Variants in SPG11 observed in about 807,000 individuals in gnomAD.
SPG11 encodes spatacsin.
A neutral mutation model predicts 274.0 loss-of-function variants in SPG11; 222 were observed. That is an observed-to-expected ratio of 0.81 (90% confidence interval 0.73 to 0.91). The LOEUF (loss-of-function observed/expected upper bound fraction) is 0.91, where lower values mean the gene tolerates loss of function less well. SPG11 is among the 40% of genes least tolerant of loss of function. The probability of loss-of-function intolerance (pLI) is 0.00; values close to 1 mark genes in which losing one functional copy is unlikely to be tolerated. For missense variants in SPG11, 3,114 were observed against 2,872.7 expected, an observed-to-expected ratio of 1.08 and a Z score of -1.92; for synonymous variants, 1,144 against 1,039.7, an observed-to-expected ratio of 1.10 and a Z score of -1.93.
chr15:44,605,330 G>A (rs1032160395), intron 20 of SPG11, among the ~76,000 whole-genome samples: 1 of 152,018 alleles, frequency 6.6e-6, no homozygotes, highest in Non-Finnish European at 1.5e-5. Flanking sequence ...ATCAAAATTC[G>A]AACTTATAAA....
intron 7 of SPG11, among the ~76,000 whole-genome samples, chr15:44,645,290 A>C (rs530099614): frequency 1.8e-4 from 27 of 152,308 alleles, no homozygotes; most frequent in African/African-American, 5.8e-4. Context: ...AATAGAACAG[A>C]ACAGAGAGCC....
intron 1 of SPG11, among the ~76,000 whole-genome samples, chr15:44,661,450 T>C (rs1262381672): frequency 6.6e-6 from 1 of 152,190 alleles, no homozygotes; most frequent in East Asian, 1.9e-4. Flanking sequence ...ACAGAAGTAG[T>C]GTTTTATACT....
chr15:44,582,271 G>C (rs952512897), intron 30 of SPG11, among the ~76,000 whole-genome samples: 1 of 152,152 alleles, frequency 6.6e-6, no homozygotes, highest in Non-Finnish European at 1.5e-5. Flanking sequence ...AAAAAGGCCG[G>C]GCACGGTGGC....
intron 27 of SPG11, among the ~76,000 whole-genome samples, chr15:44,591,976 T>C (rs1365200606): frequency 6.6e-6 from 1 of 151,880 alleles, no homozygotes; most frequent in Non-Finnish European, 1.5e-5. Flanking sequence ...CTGGGTGTGG[T>C]GGTGGGCACC....
chr15:44,572,587 C>A, intron 33 of SPG11, 96 bp downstream of exon 33: 1 of 1,294,126 alleles, frequency 7.7e-7, no homozygotes, highest in Admixed American at 1.7e-5. Context: ...GCATCCAGAG[C>A]AGGAACAGGG....
rs778864726 is a variant in SPG11 at position 44,563,178 on chromosome 15, A to C, written c.7275T>G (p.Asn2425Lys). The C allele has an allele frequency of 1.2e-6, 2 of 1,614,110 alleles. No homozygotes were observed. The highest frequency in any genetic ancestry group is 1.7e-6 in the Non-Finnish European group (2 of 1,180,044). ...CTGTCTGAGGGTCCTTCAGAAGCAC[A>C]TTTACAATTTCATAAAACTTGTGTT... Reference protein sequence around the residue: ...AYEHKFYEIVNVLLKDPQTGC... With the variant: ...AYEHKFYEIVKVLLKDPQTGC... The change falls in exon 40 of 40, where the codon AAT becomes AAG. Residue 2425 changes from asparagine to lysine, a missense_variant. Coordinates refer to ENST00000261866, the MANE Select transcript of SPG11 (RefSeq NM_025137.4).
chr15:44,649,026 A>G lies in SPG11; in HGVS notation c.1457-15T>C. 1 of 1,606,862 alleles carries G rather than the reference A, an allele frequency of 6.2e-7. No individual in the cohort carries two copies. The highest frequency in any genetic ancestry group is 8.5e-7 in the Non-Finnish European group (1 of 1,173,604). Reference sequence around the variant, plus strand: ...GAGTCCATTCTCTATAGGAAAAATAAAAGTTAGCTTTAACAAATTAGATTA... The same window carrying G: ...GAGTCCATTCTCTATAGGAAAAATAGAAGTTAGCTTTAACAAATTAGATTA... On this transcript the variant is annotated splice_polypyrimidine_tract_variant and intron_variant, in intron 6 of 39. Transcript: ENST00000261866.
chr15:44,564,088 G>A (rs2082258144), intron 39 of SPG11, among the ~76,000 whole-genome samples: 1 of 151,990 alleles, frequency 6.6e-6, no homozygotes. Flanking sequence ...CTGTCCCCAG[G>A]TTCAAGTGAT....
chr15:44,638,990 T>A (rs1266667293), intron 7 of SPG11, among the ~76,000 whole-genome samples: 1 of 149,574 alleles, frequency 6.7e-6, no homozygotes, highest in Non-Finnish European at 1.5e-5. Context: ...AGTGAGACTG[T>A]CTCCAAAAAA....
chr15:44,575,493 CTTTT>C (rs35699941), intron 30 of SPG11, among the ~76,000 whole-genome samples: 3 of 138,452 alleles, frequency 2.2e-5, no homozygotes, highest in Admixed American at 7.4e-5. Context: ...CTCCAACATA[CTTTT>C]TTTTTTTTTT....
intron 7 of SPG11, among the ~76,000 whole-genome samples, chr15:44,639,207 T>C (rs935934680): frequency 1.3e-5 from 2 of 151,148 alleles, no homozygotes; most frequent in African/African-American, 4.9e-5. Context: ...TAAAACCTCA[T>C]AGCAGGGAAC....
At chr15:44,571,678 T>C (rs1303943320) in intron 33 of SPG11, among the ~76,000 whole-genome samples, 1 of 151,976 alleles carries the variant, frequency 6.6e-6, no homozygotes, top group African/African-American at 2.4e-5. Flanking sequence ...TTTGTATTTT[T>C]AGTAGAGACG....
chr15:44,615,227 TG>T (rs747943309), intron 16 of SPG11, 135 bp downstream of exon 16: 15 of 849,222 alleles, frequency 1.8e-5, no homozygotes, highest in Non-Finnish European at 2.8e-5. Flanking sequence ...ACTGTTGAGA[TG>T]GAGAAAACTA....
intron 14 of SPG11, 102 bp downstream of exon 14, chr15:44,621,657 C>G: frequency 1.7e-6 from 2 of 1,161,932 alleles, no homozygotes. Flanking sequence ...TATTATTTCC[C>G]GAAAGGAATT....
intron 30 of SPG11, among the ~76,000 whole-genome samples, chr15:44,579,419 C>A (rs1357089096): frequency 6.7e-6 from 1 of 148,428 alleles, no homozygotes; most frequent in Admixed American, 6.8e-5. Flanking sequence ...CCCAGCTACT[C>A]GGGAGGCTGA....
In SPG11 at chr15:44,634,519, A is replaced by G. The variant is rs144591596; in HGVS notation, c.1603-882T>C. 7.0e-3 allele frequency among the ~76,000 whole-genome samples: 1,057 copies of G among 151,654 alleles called. 3 individuals carry two copies. The highest frequency in any genetic ancestry group is 7.4e-3 in the Non-Finnish European group (501 of 67,884). On this transcript the variant is annotated intron_variant, in intron 7 of 39. Transcript: ENST00000261866. ...GGCTAGTCTCGAACTCCTGGCCTAG[A>G]ACAATGCACCCAACTCGGCCTCCGA...
rs778848295 is a variant in SPG11, at chr15:44,563,097, G to T, written c.*24C>A. The T allele has an allele frequency of 6.2e-7, 1 of 1,612,008 alleles. No homozygotes were observed. Among genetic ancestry groups the T allele is most frequent in the East Asian group, 2.2e-5 (1 of 44,854 alleles). On this transcript the variant is annotated 3_prime_UTR_variant, in exon 40 of 40. Transcript: ENST00000261866. ...CTGTCAGAATCTGCTAACAGTACAA[G>T]AAAACAGACACCTATGAAATCATCT...
In SPG11 at chr15:44,620,217, C is replaced by T. The variant is rs755774331; in HGVS notation, c.2807G>A (p.Arg936Lys). The T allele has an allele frequency of 1.9e-6, 3 of 1,613,876 alleles. No homozygotes were observed. In the Admixed American group the frequency reaches 5.0e-5, roughly 27 times the overall value. Residue 936 changes from arginine (R) to lysine (K), a missense_variant, in exon 15 of 40, where the codon AGG becomes AAG. By Grantham distance (26) the Arg-to-Lys change is conservative (BLOSUM62 2). Coordinates refer to ENST00000261866, the MANE Select transcript of SPG11 (RefSeq NM_025137.4). The part of the protein sequence containing the change: ...NQNTSCNNYM[R>K]NEILDKLARN... ...GGCCAGCTTATCTAAAATTTCATTC[C>T]TCATGTAGTTGTTACAGGAAGTATT... is the stretch of plus-strand genomic sequence containing the variant.
At chr15:44,586,985 C>T (rs1209192863) in intron 28 of SPG11, among the ~76,000 whole-genome samples, 3 of 152,146 alleles carry the variant, frequency 2.0e-5, no homozygotes, top group African/African-American at 7.2e-5. Flanking sequence ...TCTACTTAAC[C>T]CAGGGAGACC....
Sources: gnomAD v4.1 joint callset for allele counts (sites outside exome capture counted in the v4.1 genomes callset) on GRCh38, gnomAD v4.1.1 for gene constraint, MANE v1.5 for transcripts, NCBI Gene and HGNC (gene_info 2026-07-23, HGNC 2026-07-21) for gene names.